The following CPE variants were observed in gnomAD, a reference collection of about 807,000 sequenced individuals.
CPE encodes the protein carboxypeptidase E.
In CPE, 17 loss-of-function variants were observed where a neutral mutation model predicts 53.5. The observed-to-expected ratio is 0.32, with a 90% CI of 0.22 to 0.48. The LOEUF is 0.48. CPE is among the 20% of genes least tolerant of loss of function. CPE has a pLI of 0.99. For missense variants in CPE, 524 were observed against 614.7 expected (o/e 0.85, Z 1.56); for synonymous variants, 226 against 228.8 (o/e 0.99, Z 0.11).
At chr4:165,384,649 G>A (rs1304882509) in intron 1 of CPE, among the ~76,000 whole-genome samples, 1 of 152,042 alleles carries the variant, frequency 6.6e-6, no homozygotes, top group Non-Finnish European at 1.5e-5. Context: ...AATAAAAAAG[G>A]GAGCTTATCT....
intron 3 of CPE, among the ~76,000 whole-genome samples, chr4:165,473,409 C>A (rs1465427670): frequency 6.6e-6 from 1 of 152,170 alleles, no homozygotes; most frequent in Non-Finnish European, 1.5e-5. Context: ...GTTTGTACTG[C>A]ATGTTGCTGT....
At chr4:165,409,516 A>G (rs1427634824) in intron 1 of CPE, among the ~76,000 whole-genome samples, 4 of 152,156 alleles carry the variant, frequency 2.6e-5, no homozygotes, top group Non-Finnish European at 5.9e-5. Context: ...ACTCATGCTT[A>G]TATCCCACAG....
intron 7 of CPE, among the ~76,000 whole-genome samples, chr4:165,494,682 C>A (rs1732674639): frequency 6.6e-6 from 1 of 152,164 alleles, no homozygotes; most frequent in African/African-American, 2.4e-5. Context: ...AGATTGAGAA[C>A]ATGAACAAAC....
intron 1 of CPE, chr4:165,381,147 TCAAA>T: frequency 2.5e-6 from 1 of 397,186 alleles, no homozygotes; most frequent in African/African-American, 2.1e-5. Flanking sequence ...TTTTGTTGTT[TCAAA>T]TTTGGAAATA....
At chr4:165,418,885 AATCAT>A (rs1473112513) in intron 1 of CPE, among the ~76,000 whole-genome samples, 2 of 152,192 alleles carry the variant, frequency 1.3e-5, no homozygotes, top group African/African-American at 4.8e-5. Flanking sequence ...AGGGAAAACT[AATCAT>A]TTGGAATAGT....
chr4:165,468,847 C>T (rs1732151695), intron 3 of CPE, among the ~76,000 whole-genome samples: 1 of 152,182 alleles, frequency 6.6e-6, no homozygotes, highest in African/African-American at 2.4e-5. Flanking sequence ...AGCAGCTCTC[C>T]ACTGCCCAGA....
chr4:165,467,941 G>T, intron 3 of CPE, 86 bp downstream of exon 3: 1 of 1,425,228 alleles, frequency 7.0e-7, no homozygotes, highest in African/African-American at 1.4e-5. Context: ...AAGGACAGAG[G>T]AGTAACATCA....
chr4:165,461,593 C>A (rs1732006870), intron 1 of CPE, among the ~76,000 whole-genome samples: 2 of 152,166 alleles, frequency 1.3e-5, no homozygotes, highest in African/African-American at 4.8e-5. Context: ...CAGTTTGGAA[C>A]CTTGAAGCAG....
chr4:165,411,561 A>C (rs1731043542), intron 1 of CPE, among the ~76,000 whole-genome samples: 1 of 152,170 alleles, frequency 6.6e-6, no homozygotes, highest in African/African-American at 2.4e-5. Context: ...CCATTGAATA[A>C]AGATGGAAAC....
chr4:165,421,359 G>C (rs150025361), intron 1 of CPE, among the ~76,000 whole-genome samples: 1 of 152,184 alleles, frequency 6.6e-6, no homozygotes, highest in African/African-American at 2.4e-5. Context: ...GCAGAGAAGG[G>C]GCCAAATCTT....
At chr4:165,395,556 A>G (rs760209572) in intron 1 of CPE, among the ~76,000 whole-genome samples, 3 of 152,202 alleles carry the variant, frequency 2.0e-5, no homozygotes, top group Non-Finnish European at 4.4e-5. Context: ...GTTATCTTAT[A>G]TAAATGGATT....
At chr4:165,406,600 A>G (rs4691193) in intron 1 of CPE, among the ~76,000 whole-genome samples, 72,810 of 151,956 alleles carry the variant, frequency 0.48, 17,885 homozygotes, top group African/African-American at 0.58. Context: ...TTATTGAGAT[A>G]GAATTCACAT....
chr4:165,436,672 T>G (rs1731507431), intron 1 of CPE, among the ~76,000 whole-genome samples: 1 of 152,160 alleles, frequency 6.6e-6, no homozygotes, highest in African/African-American at 2.4e-5. Context: ...GACAGAAAAA[T>G]CTTTTTAATT....
Position 165,484,448 on chromosome 4 carries a change from C to T in CPE, c.817C>T (p.Pro273Ser). 1 of 1,614,018 alleles carries T rather than the reference C, an allele frequency of 6.2e-7. No homozygotes were observed. Among genetic ancestry groups the T allele is most frequent in the Non-Finnish European group, 8.5e-7 (1 of 1,179,954 alleles). ...TAGTGCTCACGAATACAGCTCCTCC[C>T]CAGATGACGCCATTTTCCAAAGCTT... ...SGSAHEYSSS[P>S]DDAIFQSLAR... The change falls in exon 5 of 9, where the codon CCA (proline) becomes TCA (serine). Residue 273 changes from proline to serine, a missense_variant. Transcript: ENST00000402744.
intron 4 of CPE, 46 bp downstream of exon 4, chr4:165,482,405 C>T (rs1579281520): frequency 3.0e-6 from 4 of 1,325,036 alleles, no homozygotes; most frequent in East Asian, 2.3e-5. Flanking sequence ...GTTTATAACA[C>T]TGTACAAGGT....
intron 1 of CPE, among the ~76,000 whole-genome samples, chr4:165,440,222 A>T (rs1012183754): frequency 2.6e-5 from 4 of 152,180 alleles, no homozygotes; most frequent in African/African-American, 9.7e-5. Context: ...TTCTTCTGCC[A>T]GGGATATATC....
intron 1 of CPE, among the ~76,000 whole-genome samples, chr4:165,390,249 A>G (rs910286995): frequency 6.6e-6 from 1 of 152,140 alleles, no homozygotes; most frequent in Non-Finnish European, 1.5e-5. Context: ...GTTCCACCCT[A>G]GGCTGGTCGT....
intron 1 of CPE, among the ~76,000 whole-genome samples, chr4:165,446,324 C>G (rs1338012708): frequency 1.3e-5 from 2 of 151,916 alleles, no homozygotes; most frequent in African/African-American, 4.8e-5. Flanking sequence ...GCATTATAAA[C>G]AAAAGTGTAA....
intron 3 of CPE, among the ~76,000 whole-genome samples, chr4:165,469,923 G>T (rs919050765): frequency 1.3e-5 from 2 of 152,150 alleles, no homozygotes; most frequent in African/African-American, 2.4e-5. Context: ...AGGAGACAGG[G>T]AGCCTTAGAT....
Sources: gnomAD v4.1 joint callset for allele counts (sites outside exome capture counted in the v4.1 genomes callset) on GRCh38, gnomAD v4.1.1 for gene constraint, MANE v1.5 for transcripts, NCBI Gene and HGNC (gene_info 2026-07-23, HGNC 2026-07-21) for gene names.